BPIFC: variants seen among roughly 807,000 people sequenced by gnomAD.
The protein encoded by BPIFC is BPI fold-containing family C protein.
In BPIFC, 60 loss-of-function variants were observed where a neutral mutation model predicts 57.6. The observed-to-expected ratio is 1.04, with a 90% CI of 0.85 to 1.29. The LOEUF is 1.29. Among genes scored for constraint, BPIFC ranks in the 50% most tolerant of loss-of-function variants. The probability of loss-of-function intolerance (pLI) is 0.00; values close to 1 mark genes in which losing one functional copy is unlikely to be tolerated. For missense variants in BPIFC, 581 were observed against 600.5 expected, an observed-to-expected ratio of 0.97 and a Z score of 0.34; for synonymous variants, 243 against 224.5, an observed-to-expected ratio of 1.08 and a Z score of -0.74.
chr22:32,437,789 T>G lies in BPIFC; in HGVS notation c.718A>C (p.Thr240Pro). 1 of 1,611,132 alleles carries G rather than the reference T, an allele frequency of 6.2e-7. No individual in the cohort carries two copies. Among genetic ancestry groups the G allele is most frequent in the Non-Finnish European group, 8.5e-7 (1 of 1,177,340 alleles). The change falls in exon 9 of 17, where the codon ACT becomes CCT. Residue 240 changes from threonine (T) to proline (P), a missense_variant. Thr to Pro is a conservative substitution (Grantham distance 38, BLOSUM62 -1). Transcript: ENST00000300399. The stretch of plus-strand genomic sequence containing the variant: ...AAGTTCAGGTCAAGGTAGTTCTCAG[T>G]AATTTCTGGAGAACTGATTAGGGAG... ...DYSLISSPEI[T>P]ENYLDLNLKG... is the part of the protein sequence containing the mutation.
At chr22:32,438,668 A>G (rs1934478100) in intron 8 of BPIFC, among the ~76,000 whole-genome samples, 1 of 152,240 alleles carries the variant, frequency 6.6e-6, no homozygotes, top group Non-Finnish European at 1.5e-5. Flanking sequence ...CGGGGATTAC[A>G]GGAGTGAGCC....
At chr22:32,428,894 A>T (rs1384783635) in intron 13 of BPIFC, among the ~76,000 whole-genome samples, 1 of 149,108 alleles carries the variant, frequency 6.7e-6, no homozygotes, top group Non-Finnish European at 1.5e-5. Context: ...GTAACACTCC[A>T]TCTCAAAAAA....
rs113848292 is a variant in BPIFC, at chr22:32,445,904, A to C, written c.467T>G (p.Leu156Arg). 1.2e-6 allele frequency: 2 copies of C among 1,614,042 alleles called. No homozygotes were observed. Among genetic ancestry groups the C allele is most frequent in the Non-Finnish European group, 1.7e-6 (2 of 1,180,008 alleles). Reference protein sequence around the residue: ...LTRNDFGHPTLKLQDCYAQLS... With the variant: ...LTRNDFGHPTRKLQDCYAQLS... Reference sequence around the variant, plus strand: ...TTGGGCGTAGCAATCTTGGAGCTTCAGGGTAGGATGACCAAAGTCATTTCG... The same window carrying C: ...TTGGGCGTAGCAATCTTGGAGCTTCCGGGTAGGATGACCAAAGTCATTTCG... Residue 156 changes from leucine (L) to arginine (R), a missense_variant, in exon 6 of 17, where the codon CTG (leucine) becomes CGG (arginine). Physicochemically the swap from Leu to Arg is moderately radical, Grantham distance 102. Coordinates refer to ENST00000300399, the MANE Select transcript of BPIFC (RefSeq NM_174932.3).
chr22:32,448,214 G>A (rs181937584), intron 4 of BPIFC, among the ~76,000 whole-genome samples: 155 of 152,104 alleles, frequency 1.0e-3, no homozygotes, highest in African/African-American at 3.6e-3. Context: ...GACTACAGGC[G>A]CATGCCACCA....
chr22:32,424,576 T>TCTTCTTCTA (rs1933943324), intron 13 of BPIFC, among the ~76,000 whole-genome samples: 1 of 75,386 alleles, frequency 1.3e-5, no homozygotes, highest in East Asian at 3.4e-4. Context: ...TTATTTTCTT[T>TCTTCTTCTA]CTTCTTCTTC....
chr22:32,462,040 C>T (rs1364573034), intron 1 of BPIFC, among the ~76,000 whole-genome samples: 5 of 151,448 alleles, frequency 3.3e-5, no homozygotes, highest in South Asian at 4.2e-4. Flanking sequence ...TGTGGTGGCG[C>T]ACACCTGTAG....
chr22:32,456,549 G>C (rs781682440), intron 3 of BPIFC, among the ~76,000 whole-genome samples: 1 of 150,224 alleles, frequency 6.7e-6, no homozygotes. Flanking sequence ...GGTTAGACTA[G>C]CAGTGCTTAG....
intron 13 of BPIFC, among the ~76,000 whole-genome samples, chr22:32,430,919 A>G (rs2145927647): frequency 6.6e-6 from 1 of 152,244 alleles, no homozygotes. Context: ...TACAGGTGAG[A>G]GCCTGTAAGA....
rs867938410 is a variant in BPIFC, at chr22:32,424,696, T to C, written c.1218-5292A>G. 8.2e-4 allele frequency among the ~76,000 whole-genome samples: 77 copies of C among 94,240 alleles called. 8 individuals are homozygous for C. Among genetic ancestry groups the C allele is most frequent in the Middle Eastern group, 9.1e-3 (2 of 220 alleles). 61.8% of individuals were successfully genotyped at this position (94,240 alleles called of 152,430 possible). On this transcript the variant is annotated intron_variant, in intron 13 of 16. Coordinates refer to ENST00000300399, the MANE Select transcript of BPIFC (RefSeq NM_174932.3). ...CTTCTTCTTCTTCTTCTTCTTCCTC[T>C]TCTTCTTCCTCTTCTTCTTCCTCTT... is the stretch of plus-strand genomic sequence containing the variant.
chr22:32,434,658 G>C (rs1910033811), intron 10 of BPIFC, among the ~76,000 whole-genome samples: 1 of 152,076 alleles, frequency 6.6e-6, no homozygotes, highest in African/African-American at 2.4e-5. Flanking sequence ...GATACTGGAT[G>C]CTTAAGGAAT....
rs1934849158 is a variant in BPIFC, at chr22:32,450,071, G to A, written c.246-2731C>T. Among the ~76,000 whole-genome samples, 3 of 150,502 alleles carry A rather than the reference G, an allele frequency of 2.0e-5. No homozygotes were observed. The South Asian group carries it at 6.3e-4, about 32-fold the overall frequency. On this transcript the variant is annotated intron_variant, in intron 4 of 16. Transcript: ENST00000300399. ...TTCTCTAAGGAGGATGCTGAGCAGT[G>A]GAATTGTTGGGTCAAAGAGCATACA...
intron 10 of BPIFC, among the ~76,000 whole-genome samples, chr22:32,434,475 CTTCA>C (rs1934338267): frequency 6.7e-6 from 1 of 148,710 alleles, no homozygotes; most frequent in African/African-American, 2.5e-5. Flanking sequence ...TGTACATATT[CTTCA>C]TTTATATATA....
intron 13 of BPIFC, among the ~76,000 whole-genome samples, chr22:32,422,300 A>G (rs999262397): frequency 6.6e-6 from 1 of 152,174 alleles, no homozygotes; most frequent in African/African-American, 2.4e-5. Flanking sequence ...ACCTATAATT[A>G]TGAGGGATGG....
chr22:32,452,452 C>T lies in BPIFC; in HGVS notation c.245+931G>A, dbSNP rs555748412. On this transcript the variant is annotated intron_variant, in intron 4 of 16. Coordinates refer to ENST00000300399, the MANE Select transcript of BPIFC (RefSeq NM_174932.3). ...GAGATCGAGACCATCCTGGCTAACA[C>T]GGTGAAACCCCGTCTCTACTAAAAA... is the stretch of plus-strand genomic sequence containing the variant. 4.6e-5 allele frequency among the ~76,000 whole-genome samples: 7 copies of T among 151,876 alleles called. 1 individual carries two copies. The South Asian group carries it at 6.2e-4, about 14-fold the overall frequency.
chr22:32,442,978 A>C (rs1342393572), intron 7 of BPIFC, among the ~76,000 whole-genome samples: 1 of 152,098 alleles, frequency 6.6e-6, no homozygotes, highest in Non-Finnish European at 1.5e-5. Flanking sequence ...CCCTGTAAAG[A>C]GTGAGTGAGC....
intron 4 of BPIFC, among the ~76,000 whole-genome samples, chr22:32,452,856 G>T (rs1229655660): frequency 2.6e-5 from 4 of 152,114 alleles, no homozygotes; most frequent in African/African-American, 7.2e-5. Context: ...GCTCCAGATG[G>T]ACAAAGCTAT....
rs760047055 is a variant in BPIFC at position 32,457,465 on chromosome 22, T to G, written c.1-79A>C. 9.2e-5 allele frequency: 140 copies of G among 1,524,808 alleles called. 1 individual carries two copies. Among genetic ancestry groups the G allele is most frequent in the Non-Finnish European group, 1.1e-4 (123 of 1,130,426 alleles). 94.5% of individuals were successfully genotyped at this position (1,524,808 alleles called of 1,614,324 possible). A position where few individuals can be genotyped will look rare whatever the true frequency, so the allele number is the denominator to read the frequency against. The stretch of plus-strand genomic sequence containing the variant: ...TCAATTAAATCCAACATTTCTAGAT[T>G]TTCTCATTTTTACTGTTTACTTCCA... On this transcript the variant is annotated intron_variant, in intron 2 of 16. Transcript: ENST00000300399.
chr22:32,428,955 A>T (rs1265942857), intron 13 of BPIFC, among the ~76,000 whole-genome samples: 1 of 152,118 alleles, frequency 6.6e-6, no homozygotes, highest in Non-Finnish European at 1.5e-5. Flanking sequence ...TACAAAGAAA[A>T]TTTTAATGAA....
Position 32,414,270 on chromosome 22 carries a change from A to C in BPIFC, c.*33T>G, listed in dbSNP as rs1457342160. ...TACAGTAGTTGTAGGATTAAGGACC[A>C]TTTACTTCCTGGGGTGAATTGCAAA... is the stretch of plus-strand genomic sequence containing the variant. On this transcript the variant is annotated 3_prime_UTR_variant, in exon 17 of 17. Coordinates refer to ENST00000300399, the MANE Select transcript of BPIFC (RefSeq NM_174932.3). 1 of 1,610,908 alleles carries C rather than the reference A, an allele frequency of 6.2e-7. No individual in the cohort carries two copies.
Sources: gnomAD v4.1 joint callset for allele counts (sites outside exome capture counted in the v4.1 genomes callset) on GRCh38, gnomAD v4.1.1 for gene constraint, MANE v1.5 for transcripts, NCBI Gene and HGNC (gene_info 2026-07-23, HGNC 2026-07-21) for gene names.